The following SLCO1B3 variants were observed in gnomAD, a reference collection of about 807,000 sequenced individuals.
The protein encoded by SLCO1B3 is solute carrier organic anion transporter family member 1B3, also known as liver-specific organic anion transporter 2.
Under a neutral mutation model 71.8 loss-of-function variants are expected in SLCO1B3, and 72 were observed. The observed-to-expected ratio is 1.00, with a 90% CI of 0.83 to 1.22. The LOEUF (loss-of-function observed/expected upper bound fraction) is 1.22, where lower values mean the gene tolerates loss of function less well. Among genes scored for constraint, SLCO1B3 ranks in the 50% most tolerant of loss-of-function variants. The pLI, the probability that SLCO1B3 is intolerant of heterozygous loss-of-function variation, is 0.00. For synonymous variants in SLCO1B3, 298 were observed against 278.4 expected, an observed-to-expected ratio of 1.07 and a Z score of -0.70; for missense variants, 911 against 819.7, an observed-to-expected ratio of 1.11 and a Z score of -1.36.
At chr12:20,895,222 C>T (rs1158773758) in intron 13 of SLCO1B3, among the ~76,000 whole-genome samples, 3 of 152,160 alleles carry the variant, frequency 2.0e-5, no homozygotes, top group Non-Finnish European at 4.4e-5. Flanking sequence ...CCTCACATTT[C>T]AATACCAATC....
intron 15 of SLCO1B3, among the ~76,000 whole-genome samples, chr12:20,907,789 G>A (rs1591793065): frequency 6.6e-6 from 1 of 152,078 alleles, no homozygotes; most frequent in Non-Finnish European, 1.5e-5. Flanking sequence ...GATTACAGGA[G>A]TGAGCCACTG....
At chr12:20,894,530 C>T (rs1378364611) in intron 13 of SLCO1B3, among the ~76,000 whole-genome samples, 1 of 152,116 alleles carries the variant, frequency 6.6e-6, no homozygotes, top group African/African-American at 2.4e-5. Flanking sequence ...CCACCCCTTC[C>T]CCTGGGTGAA....
At chr12:20,906,929 C>A (rs543585769) in intron 15 of SLCO1B3, among the ~76,000 whole-genome samples, 1 of 152,036 alleles carries the variant, frequency 6.6e-6, no homozygotes, top group East Asian at 1.9e-4. Context: ...TCTATACTCC[C>A]AAAATACTGA....
chr12:20,845,176 A>ATTT, intron 3 of SLCO1B3: 1 of 394,234 alleles, frequency 2.5e-6, no homozygotes, highest in Non-Finnish European at 5.1e-6. Context: ...GACCCTATGT[A>ATTT]CAAGGTAGCC....
At chr12:20,904,698 T>C (rs1367142525) in intron 15 of SLCO1B3, among the ~76,000 whole-genome samples, 1 of 147,810 alleles carries the variant, frequency 6.8e-6, no homozygotes, top group African/African-American at 2.5e-5. Context: ...ACTGCCCTAG[T>C]ATAGGTTTTT....
intron 1 of SLCO1B3, among the ~76,000 whole-genome samples, chr12:20,813,001 C>A (rs1450371925): frequency 6.6e-6 from 1 of 152,082 alleles, no homozygotes; most frequent in African/African-American, 2.4e-5. Context: ...TACCTTGAGA[C>A]CACCAAATTA....
rs1866486159 is a variant in SLCO1B3 at position 20,915,995 on chromosome 12, T to C, written c.1866-9T>C. The C allele has an allele frequency of 3.8e-6, 6 of 1,574,048 alleles. No homozygotes were observed. The African/African-American group carries it at 5.5e-5, about 14-fold the overall frequency. ...ATAATAATCGACTCTCTATTTTCTC[T>C]TTTCACAGAAGGGTCTACTTGGGCT... On this transcript the variant is annotated splice_polypyrimidine_tract_variant and intron_variant, in intron 15 of 15. Coordinates refer to ENST00000381545, the MANE Select transcript of SLCO1B3 (RefSeq NM_019844.4).
rs534686028 is a variant in SLCO1B3 at position 20,880,792 on chromosome 12, C to A, written c.1332-63C>A. 3.9e-4 allele frequency: 470 copies of A among 1,190,354 alleles called. 6 individuals are homozygous for A. In the South Asian group the frequency reaches 7.2e-3, roughly 18 times the overall value. The allele number at this position is 1,190,354 out of a possible 1,614,324, so 73.7% of individuals were successfully genotyped here. A position where few individuals can be genotyped will look rare whatever the true frequency, so the allele number is the denominator to read the frequency against. On this transcript the variant is annotated intron_variant, in intron 11 of 15. Transcript: ENST00000381545. The stretch of plus-strand genomic sequence containing the variant: ...CCTCTCCTTATCCCCTTGTCTCCCT[C>A]TTCTGCTCTTTCTCTACTTCCTCTT...
At position 20,875,496 on chromosome 12, in the gene SLCO1B3, T is replaced by C. The variant is rs756903628; in HGVS notation, c.970+19T>C. On this transcript the variant is annotated intron_variant, in intron 9 of 15. Coordinates refer to ENST00000381545, the MANE Select transcript of SLCO1B3 (RefSeq NM_019844.4). ...GTGACTGGTAGGTATTTGACATTCATTGTCAACTTGGAATTGTTAATCTCA... is the reference window on the plus strand; with the variant it reads ...GTGACTGGTAGGTATTTGACATTCACTGTCAACTTGGAATTGTTAATCTCA... The C allele has an allele frequency of 6.3e-7, 1 of 1,587,824 alleles. No individual in the cohort carries two copies. Among genetic ancestry groups the C allele is most frequent in the Non-Finnish European group, 8.5e-7 (1 of 1,173,472 alleles).
chr12:20,852,137 G>A (rs1412202230), intron 3 of SLCO1B3, among the ~76,000 whole-genome samples: 3 of 152,132 alleles, frequency 2.0e-5, no homozygotes, highest in Non-Finnish European at 4.4e-5. Flanking sequence ...TACGCAGGGT[G>A]CCTTTGGATT....
At chr12:20,848,289 T>C (rs75702242) in intron 3 of SLCO1B3, among the ~76,000 whole-genome samples, 1 of 152,184 alleles carries the variant, frequency 6.6e-6, no homozygotes, top group Non-Finnish European at 1.5e-5. Context: ...TGAGCTTTCA[T>C]TACATACTTA....
intron 14 of SLCO1B3, among the ~76,000 whole-genome samples, chr12:20,900,877 T>C (rs1866116856): frequency 6.6e-6 from 1 of 152,226 alleles, no homozygotes; most frequent in South Asian, 2.1e-4. Flanking sequence ...TTTTTAATTA[T>C]CTTAAAATAG....
At chr12:20,842,295 G>C (rs1190009070) in intron 3 of SLCO1B3, among the ~76,000 whole-genome samples, 2 of 152,050 alleles carry the variant, frequency 1.3e-5, no homozygotes, top group Non-Finnish European at 1.5e-5. Context: ...TTGACTACTT[G>C]ACCTATCATA....
chr12:20,905,430 T>C (rs976301669), intron 15 of SLCO1B3, among the ~76,000 whole-genome samples: 2 of 152,234 alleles, frequency 1.3e-5, no homozygotes, highest in Admixed American at 6.5e-5. Context: ...CTGGGTTGCA[T>C]ATTTTCCAAA....
At chr12:20,813,407 A>G (rs1864139704) in intron 1 of SLCO1B3, 117 bp from the exon 2 acceptor site, 1 of 152,182 alleles carries the variant, frequency 6.6e-6, no homozygotes, top group South Asian at 2.1e-4. Flanking sequence ...CAGAGTGGTG[A>G]AAAATTTGAG....
intron 4 of SLCO1B3, among the ~76,000 whole-genome samples, chr12:20,857,111 A>G (rs1591763982): frequency 6.6e-6 from 1 of 152,196 alleles, no homozygotes; most frequent in African/African-American, 2.4e-5. Flanking sequence ...CATTAAAAAT[A>G]TTCATCTACT....
intron 8 of SLCO1B3, among the ~76,000 whole-genome samples, chr12:20,865,037 C>T (rs751563901): frequency 5.9e-5 from 9 of 152,044 alleles, no homozygotes; most frequent in Admixed American, 1.3e-4. Context: ...CCAGAGAATC[C>T]AGGAACCAAG....
chr12:20,852,332 A>G (rs1703434347), intron 3 of SLCO1B3, among the ~76,000 whole-genome samples: 1 of 152,062 alleles, frequency 6.6e-6, no homozygotes, highest in South Asian at 2.1e-4. Context: ...AAAAGTAATT[A>G]GTTAGGCATA....
chr12:20,892,699 AG>A (rs1865927806), intron 13 of SLCO1B3, among the ~76,000 whole-genome samples: 1 of 152,190 alleles, frequency 6.6e-6, no homozygotes, highest in Non-Finnish European at 1.5e-5. Context: ...AAGAGGAGGA[AG>A]AAAAGAAAGA....
Sources: allele counts gnomAD v4.1 joint callset (sites outside exome capture counted in the v4.1 genomes callset), GRCh38; gene constraint gnomAD v4.1.1; transcripts MANE v1.5; gene names NCBI Gene and HGNC (gene_info 2026-07-23, HGNC 2026-07-21).